Variants in PLCZ1 observed in about 807,000 individuals in gnomAD.
PLCZ1 encodes phospholipase C zeta 1.
PLCZ1 carries 64 observed loss-of-function variants against 76.8 expected under a neutral mutation model. The observed-to-expected ratio is 0.83, with a 90% confidence interval of 0.68 to 1.03. The LOEUF (loss-of-function observed/expected upper bound fraction) is 1.03, where lower values mean the gene tolerates loss of function less well. PLCZ1 is among the 50% of genes least tolerant of loss of function. The pLI, the probability that PLCZ1 is intolerant of heterozygous loss-of-function variation, is 0.00. For missense variants in PLCZ1, 751 were observed against 713.7 expected (o/e 1.05, Z -0.60); for synonymous variants, 248 against 230.8 (o/e 1.07, Z -0.68).
the PLCZ1 span, among the ~76,000 whole-genome samples, chr12:18,673,224 TAAA>T: frequency 6.6e-6 from 1 of 152,288 alleles, no homozygotes; most frequent in Admixed American, 6.5e-5. Context: ...AAGATCCTTT[TAAA>T]AACAAAATTT....
At chr12:18,718,125 A>G (rs956917868) in intron 5 of PLCZ1, among the ~76,000 whole-genome samples, 4 of 152,172 alleles carry the variant, frequency 2.6e-5, no homozygotes, top group African/African-American at 9.7e-5. Context: ...AGCTAGGTGA[A>G]GCTATAATGT....
chr12:18,656,927 G>A, the PLCZ1 span, among the ~76,000 whole-genome samples: 1 of 152,258 alleles, frequency 6.6e-6, no homozygotes, highest in Admixed American at 6.5e-5. Flanking sequence ...CCCATCTCCT[G>A]CTCCCAGCTC....
At chr12:18,650,712 C>CTATA in the PLCZ1 span, among the ~76,000 whole-genome samples, 85 of 14,512 alleles carry the variant, frequency 5.9e-3, no homozygotes, top group East Asian at 0.014. Context: ...GTGTATATAT[C>CTATA]TATATATATA....
the PLCZ1 span, among the ~76,000 whole-genome samples, chr12:18,653,291 A>G: frequency 2.0e-5 from 3 of 152,158 alleles, no homozygotes; most frequent in African/African-American, 4.8e-5. Flanking sequence ...AAGATTTGAT[A>G]TTACATAGGA....
At chr12:18,703,160 T>C (rs1956164658) in intron 7 of PLCZ1, among the ~76,000 whole-genome samples, 2 of 152,184 alleles carry the variant, frequency 1.3e-5, no homozygotes, top group Admixed American at 6.5e-5. Flanking sequence ...TCTTTGATGA[T>C]ATGTTTCGAA....
intron 13 of PLCZ1, 145 bp from the exon 14 acceptor site, chr12:18,684,424 A>C: frequency 2.9e-6 from 2 of 698,996 alleles, no homozygotes; most frequent in Non-Finnish European, 4.7e-6. Flanking sequence ...TAATATACTC[A>C]GTGTGAGAGG....
the PLCZ1 span, among the ~76,000 whole-genome samples, chr12:18,664,910 A>G: frequency 1.3e-5 from 2 of 150,848 alleles, no homozygotes; most frequent in Non-Finnish European, 3.0e-5. Context: ...CACAAGGACA[A>G]AAAACCAAAT....
In PLCZ1 at chr12:18,684,249, G is replaced by T; in HGVS notation, c.1622C>A (p.Thr541Lys). The T allele has an allele frequency of 6.2e-7, 1 of 1,609,876 alleles. No homozygotes were observed. The highest frequency in any genetic ancestry group is 2.2e-5 in the East Asian group (1 of 44,748). Residue 541 changes from threonine (T) to lysine (K), a missense_variant, in exon 14 of 15, where the codon ACA becomes AAA. By Grantham distance (78) the Thr-to-Lys change is moderately conservative (BLOSUM62 -1). Transcript: ENST00000266505. ...CAATTCTGGGACATGAATAATAAATGTGAATGTTTCATTCCATCTTGGACT... is the reference window on the plus strand; with the variant it reads ...CAATTCTGGGACATGAATAATAAATTTGAATGTTTCATTCCATCTTGGACT... ...AFSPRWNETF[T>K]FIIHVPELAL...
At chr12:18,665,576 T>C in the PLCZ1 span, among the ~76,000 whole-genome samples, 3 of 152,094 alleles carry the variant, frequency 2.0e-5, no homozygotes, top group Non-Finnish European at 4.4e-5. Context: ...GCAGATCACC[T>C]GAGGTCGGGA....
intron 6 of PLCZ1, among the ~76,000 whole-genome samples, chr12:18,706,190 C>T (rs572455938): frequency 6.6e-6 from 1 of 151,438 alleles, no homozygotes; most frequent in Admixed American, 6.6e-5. Flanking sequence ...CGAGATTGCA[C>T]CATTGCACTC....
the PLCZ1 span, among the ~76,000 whole-genome samples, chr12:18,669,442 G>A: frequency 6.6e-6 from 1 of 152,148 alleles, no homozygotes; most frequent in Non-Finnish European, 1.5e-5. Flanking sequence ...TTATCAGTGA[G>A]AGTCTAAAAG....
chr12:18,720,073 T>C (rs536584608), intron 4 of PLCZ1, among the ~76,000 whole-genome samples: 1 of 152,202 alleles, frequency 6.6e-6, no homozygotes, highest in East Asian at 1.9e-4. Flanking sequence ...TTAGTTTTCT[T>C]TGGTTGTTGC....
At chr12:18,700,603 T>C (rs955358593) in intron 9 of PLCZ1, among the ~76,000 whole-genome samples, 3 of 151,106 alleles carry the variant, frequency 2.0e-5, no homozygotes, top group African/African-American at 7.3e-5. Context: ...AGCTGACTCC[T>C]TGCAATAGCC....
At chr12:18,693,174 A>G (rs2900416) in intron 12 of PLCZ1, 1,515,195 of 1,548,338 alleles carry the variant, frequency 0.98, 741,697 homozygotes, top group East Asian at 1. Flanking sequence ...AGAACACTAC[A>G]TCAGCATTCT....
At position 18,712,902 on chromosome 12, in the gene PLCZ1, T is replaced by A. The variant is rs368250450; in HGVS notation, c.654A>T (p.Thr218=). ...TTTTAAACAGAAGTTTGCTTGTGAG[T>A]GTGTAGCCATGATATACAACAGGTT... The part of the protein sequence containing the change: ...QNEPVVYHGY[T]LTSKLLFKTV... The change falls in exon 6 of 15, where the codon ACA becomes ACT. Residue 218 remains threonine (T), a synonymous_variant. Coordinates refer to ENST00000266505, the MANE Select transcript of PLCZ1 (RefSeq NM_033123.4). 2 of 1,613,822 alleles carry A rather than the reference T, an allele frequency of 1.2e-6. No individual in the cohort carries two copies. The highest frequency in any genetic ancestry group is 8.5e-7 in the Non-Finnish European group (1 of 1,179,868).
intron 13 of PLCZ1, among the ~76,000 whole-genome samples, chr12:18,684,946 G>A (rs929570219): frequency 6.6e-6 from 1 of 151,920 alleles, no homozygotes; most frequent in African/African-American, 2.4e-5. Context: ...GCTGCCACAT[G>A]AAAAGGTCCA....
At chr12:18,684,060 A>C in intron 14 of PLCZ1, 70 bp downstream of exon 14, 1 of 1,548,134 alleles carries the variant, frequency 6.5e-7, no homozygotes, top group Admixed American at 1.7e-5. Flanking sequence ...TGGTATGTCA[A>C]AATGTGTCTT....
Position 18,735,662 on chromosome 12 carries a change from A to G in PLCZ1, c.135+559T>C, listed in dbSNP as rs1282013241. ...TCTAGATTGTCCAATTTTATGGTGTATGATTGCTCTATGTGTTTTTCATTT... is the reference window on the plus strand; with the variant it reads ...TCTAGATTGTCCAATTTTATGGTGTGTGATTGCTCTATGTGTTTTTCATTT... On this transcript the variant is annotated intron_variant, in intron 3 of 14. Coordinates refer to ENST00000266505, the MANE Select transcript of PLCZ1 (RefSeq NM_033123.4). 3 of 152,522 alleles carry G rather than the reference A, an allele frequency of 2.0e-5. No homozygotes were observed. The East Asian group carries it at 5.8e-4, about 29-fold the overall frequency. The allele number at this position is 152,522 out of a possible 1,614,324, so 9.4% of individuals were successfully genotyped here. A position where few individuals can be genotyped will look rare whatever the true frequency, so the allele number is the denominator to read the frequency against.
the PLCZ1 span, chr12:18,648,407 A>G: frequency 6.1e-5 from 13 of 214,754 alleles, no homozygotes; most frequent in African/African-American, 2.7e-4. Flanking sequence ...AACCTCATCA[A>G]TTAATTCAAG....
Sources: gnomAD v4.1 joint callset for allele counts (sites outside exome capture counted in the v4.1 genomes callset) on GRCh38, gnomAD v4.1.1 for gene constraint, MANE v1.5 for transcripts, NCBI Gene and HGNC (gene_info 2026-07-23, HGNC 2026-07-21) for gene names.